The following RASAL2 variants were observed in gnomAD, a reference collection of about 807,000 sequenced individuals.
The protein encoded by RASAL2 is RAS protein activator like 2.
Under a neutral mutation model 128.9 loss-of-function variants are expected in RASAL2, and 58 were observed. The ratio of observed to expected loss-of-function variants is 0.45; its 90% CI spans 0.36 to 0.56. The LOEUF (loss-of-function observed/expected upper bound fraction) is 0.56, where lower values mean the gene tolerates loss of function less well. Ranked by LOEUF, RASAL2 falls within the 20% of genes least tolerant of loss-of-function variation. The probability of loss-of-function intolerance (pLI) is 0.00; values close to 1 mark genes in which losing one functional copy is unlikely to be tolerated. For missense variants in RASAL2, 1,360 were observed against 1,601.6 expected (o/e 0.85, Z 2.57); for synonymous variants, 561 against 580.8 (o/e 0.97, Z 0.49).
intron 1 of RASAL2, among the ~76,000 whole-genome samples, chr1:178,261,739 ACCCCGT>A (rs1179786263): frequency 6.6e-6 from 1 of 151,292 alleles, no homozygotes; most frequent in African/African-American, 2.4e-5. Flanking sequence ...AGATGGTGAA[ACCCCGT>A]CTCTACTAAA....
At chr1:178,381,073 T>A (rs1672256496) in intron 3 of RASAL2, among the ~76,000 whole-genome samples, 1 of 152,172 alleles carries the variant, frequency 6.6e-6, no homozygotes, top group African/African-American at 2.4e-5. Flanking sequence ...TGTGGCCAGT[T>A]TGAGATTAGA....
intron 3 of RASAL2, among the ~76,000 whole-genome samples, chr1:178,368,469 C>G (rs535102783): frequency 6.6e-6 from 1 of 152,176 alleles, no homozygotes; most frequent in African/African-American, 2.4e-5. Flanking sequence ...CAAATAGGAA[C>G]TCTGTAAGTC....
chr1:178,463,903 T>G (rs1441265412), intron 14 of RASAL2, among the ~76,000 whole-genome samples: 1 of 152,106 alleles, frequency 6.6e-6, no homozygotes, highest in African/African-American at 2.4e-5. Context: ...AATCATCAAA[T>G]AGACTTTTAT....
intron 3 of RASAL2, among the ~76,000 whole-genome samples, chr1:178,349,954 A>G (rs927912723): frequency 6.6e-6 from 1 of 152,116 alleles, no homozygotes; most frequent in African/African-American, 2.4e-5. Context: ...AACATGACAT[A>G]CTCTTGAACA....
intron 3 of RASAL2, among the ~76,000 whole-genome samples, chr1:178,385,127 A>C (rs572914559): frequency 6.6e-6 from 1 of 152,322 alleles, no homozygotes; most frequent in South Asian, 2.1e-4. Context: ...TTCCAGATTT[A>C]TTCTGTATCA....
chr1:178,154,142 A>ATT (rs59387394), intron 1 of RASAL2, among the ~76,000 whole-genome samples: 17 of 136,930 alleles, frequency 1.2e-4, no homozygotes, highest in African/African-American at 3.4e-4. Flanking sequence ...GGCCTGATTG[A>ATT]TTTTTTTTTT....
chr1:178,098,057 T>G (rs936877126), intron 1 of RASAL2, among the ~76,000 whole-genome samples: 12 of 152,246 alleles, frequency 7.9e-5, no homozygotes, highest in African/African-American at 2.9e-4. Flanking sequence ...TTCCTTGTAG[T>G]TGTAAAATGT....
intron 1 of RASAL2, among the ~76,000 whole-genome samples, chr1:178,148,794 C>G (rs920028331): frequency 7.9e-5 from 12 of 152,210 alleles, no homozygotes; most frequent in African/African-American, 2.9e-4. Flanking sequence ...TTGTCCATGG[C>G]TACTCAAAGT....
chr1:178,330,441 T>C (rs962267330), intron 3 of RASAL2, among the ~76,000 whole-genome samples: 1 of 152,178 alleles, frequency 6.6e-6, no homozygotes, highest in African/African-American at 2.4e-5. Flanking sequence ...ACATAGAGTA[T>C]GTAGTGTCTT....
chr1:178,120,329 C>A (rs949832755), intron 1 of RASAL2, among the ~76,000 whole-genome samples: 2 of 152,108 alleles, frequency 1.3e-5, no homozygotes, highest in African/African-American at 4.8e-5. Context: ...ACCATTGGGT[C>A]TTTTCCTGTT....
chr1:178,348,589 A>G (rs1670273183), intron 3 of RASAL2, among the ~76,000 whole-genome samples: 1 of 151,748 alleles, frequency 6.6e-6, no homozygotes, highest in East Asian at 2.0e-4. Flanking sequence ...ATGAGCTACC[A>G]CGCCCAGCCT....
chr1:178,207,296 C>G lies in RASAL2; in HGVS notation c.203-76268C>G, dbSNP rs567437229. Among the ~76,000 whole-genome samples, 235 of 152,230 alleles carry G rather than the reference C, an allele frequency of 1.5e-3. 1 individual carries two copies. Among genetic ancestry groups the G allele is most frequent in the African/African-American group, 5.4e-3 (225 of 41,528 alleles). On this transcript the variant is annotated intron_variant, in intron 1 of 17. Transcript: ENST00000367649. ...GGAAAAAATAAATACAGTTTGTCCT[C>G]TGTATCCTCAGGTCCCACATCTGCA... is the stretch of plus-strand genomic sequence containing the variant.
At chr1:178,327,112 AATC>A (rs1456293215) in intron 3 of RASAL2, among the ~76,000 whole-genome samples, 2 of 152,168 alleles carry the variant, frequency 1.3e-5, no homozygotes, top group Non-Finnish European at 2.9e-5. Context: ...TGAAATTTAA[AATC>A]ATCAAACTCT....
chr1:178,357,202 A>G (rs1015914486), intron 3 of RASAL2, among the ~76,000 whole-genome samples: 3 of 152,068 alleles, frequency 2.0e-5, no homozygotes, highest in Admixed American at 6.6e-5. Flanking sequence ...TTATTGTTCA[A>G]TCTGTCTCTC....
intron 5 of RASAL2, among the ~76,000 whole-genome samples, chr1:178,423,187 T>G (rs912982049): frequency 5.9e-5 from 9 of 152,198 alleles, no homozygotes; most frequent in Non-Finnish European, 2.9e-5. Context: ...TTTATAATAA[T>G]GTACCTCACT....
intron 3 of RASAL2, among the ~76,000 whole-genome samples, chr1:178,379,279 G>T (rs978221161): frequency 7.2e-5 from 11 of 152,026 alleles, no homozygotes; most frequent in Non-Finnish European, 1.5e-4. Context: ...TACTGGGGAG[G>T]CTGAGTTGGG....
At chr1:178,167,895 A>G (rs1203065665) in intron 1 of RASAL2, among the ~76,000 whole-genome samples, 1 of 152,100 alleles carries the variant, frequency 6.6e-6, no homozygotes, top group African/African-American at 2.4e-5. Context: ...TTGTTGTGTG[A>G]GGAAAGGATA....
At chr1:178,178,601 A>G (rs1464616701) in intron 1 of RASAL2, among the ~76,000 whole-genome samples, 1 of 152,144 alleles carries the variant, frequency 6.6e-6, no homozygotes, top group East Asian at 1.9e-4. Context: ...AGTTACCTAT[A>G]TGTATGATTT....
intron 1 of RASAL2, among the ~76,000 whole-genome samples, chr1:178,158,870 C>CT (rs1661177413): frequency 1.3e-5 from 2 of 152,024 alleles, no homozygotes; most frequent in African/African-American, 4.8e-5. Context: ...ATCAATCACT[C>CT]TGATATTTCT....
Sources: allele counts gnomAD v4.1 joint callset (sites outside exome capture counted in the v4.1 genomes callset), GRCh38; gene constraint gnomAD v4.1.1; transcripts MANE v1.5; gene names NCBI Gene and HGNC (gene_info 2026-07-23, HGNC 2026-07-21).